AP3D1: variants seen among roughly 807,000 people sequenced by gnomAD.
AP3D1 encodes the protein adaptor related protein complex 3 subunit delta 1.
AP3D1 carries 51 observed loss-of-function variants against 147.6 expected under a neutral mutation model. The observed-to-expected ratio is 0.35, with a 90% confidence interval of 0.28 to 0.44. The LOEUF is 0.44. Ranked by LOEUF, AP3D1 falls within the 20% of genes least tolerant of loss-of-function variation. The probability of loss-of-function intolerance (pLI) is 1.00; values close to 1 mark genes in which losing one functional copy is unlikely to be tolerated. For missense variants in AP3D1, 1,421 were observed against 1,624.2 expected (o/e 0.87, Z 2.15); for synonymous variants, 760 against 663.0 (o/e 1.15, Z -2.25).
upstream of AP3D1, among the ~76,000 whole-genome samples, chr19:2,152,235 T>C (rs1203425412): frequency 6.8e-6 from 1 of 146,710 alleles, no homozygotes; most frequent in Admixed American, 6.7e-5. Flanking sequence ...ATCATTGAGA[T>C]TGTAAAAAAA....
chr19:2,132,540 T>G lies in AP3D1; in HGVS notation c.393A>C (p.Ala131=), dbSNP rs1449643950. 3 of 1,611,254 alleles carry G rather than the reference T, an allele frequency of 1.9e-6. No homozygotes were observed. The highest frequency in any genetic ancestry group is 2.5e-6 in the Non-Finnish European group (3 of 1,177,712). Residue 131 remains alanine (A), a synonymous_variant, in exon 5 of 32, where the codon GCA becomes GCC. Coordinates refer to ENST00000643116, the MANE Select transcript of AP3D1 (RefSeq NM_001261826.3). ...TGACGAAGCAGGACAGACCCGTCAG[T>G]GCAACACCTGTGTCGTACTGGCTGG... ...SSPSQYDTGV[A]LTGLSCFVTP...
At chr19:2,137,835 C>T in intron 2 of AP3D1, 28 bp from the exon 3 acceptor site, 1 of 1,609,172 alleles carries the variant, frequency 6.2e-7, no homozygotes, top group Non-Finnish European at 8.5e-7. Context: ...GGAAATTGCA[C>T]TCACAAGCCA....
rs2017966903 is a variant in AP3D1 at position 2,102,007 on chromosome 19, T to A, written c.*166A>T. The A allele has an allele frequency of 3.3e-6, 2 of 612,926 alleles. No homozygotes were observed. Among genetic ancestry groups the A allele is most frequent in the Non-Finnish European group, 5.7e-6 (2 of 348,530 alleles). 38.0% of individuals were successfully genotyped at this position (612,926 alleles called of 1,614,324 possible). On this transcript the variant is annotated 3_prime_UTR_variant, in exon 32 of 32. Transcript: ENST00000643116. ...ACAGTAAAAAAGGATGGTCAGATAATTCAACGCAACAAATGACCTCGGATG... is the reference window on the plus strand; with the variant it reads ...ACAGTAAAAAAGGATGGTCAGATAAATCAACGCAACAAATGACCTCGGATG...
chr19:2,163,507 G>GT (rs1491356859), intron 1 of AP3D1, among the ~76,000 whole-genome samples: 1 of 86,218 alleles, frequency 1.2e-5, no homozygotes, highest in Non-Finnish European at 2.5e-5. Flanking sequence ...TTTTTTTTTT[G>GT]TACCCAATAA....
chr19:2,111,188 A>T, intron 26 of AP3D1, 97 bp downstream of exon 26: 1 of 1,474,518 alleles, frequency 6.8e-7, no homozygotes, highest in Non-Finnish European at 9.4e-7. Context: ...GGGTATACCA[A>T]CATCCGGGAG....
intron 27 of AP3D1, 126 bp downstream of exon 27, chr19:2,110,581 A>G: frequency 9.6e-7 from 1 of 1,041,442 alleles, no homozygotes; most frequent in Non-Finnish European, 1.4e-6. Flanking sequence ...GGAGGTACTG[A>G]GGTGCAGCCT....
At chr19:2,117,438 G>A in intron 15 of AP3D1, 71 bp from the exon 16 acceptor site, 1 of 1,476,186 alleles carries the variant, frequency 6.8e-7, no homozygotes, top group Non-Finnish European at 9.0e-7. Flanking sequence ...GGGACACGGG[G>A]TGGCTCAGCC....
At chr19:2,108,981 G>C (rs2018188107) in intron 30 of AP3D1, 105 bp downstream of exon 30, 3 of 1,538,510 alleles carry the variant, frequency 1.9e-6, no homozygotes, top group Non-Finnish European at 2.6e-6. Context: ...ATCCCAAAGG[G>C]TGTGAGTTTG....
intron 8 of AP3D1, among the ~76,000 whole-genome samples, chr19:2,128,630 C>T (rs1188868699): frequency 5.8e-5 from 1 of 17,190 alleles, no homozygotes; most frequent in African/African-American, 1.7e-4. Context: ...GGCCCGCCCC[C>T]GCCGCTCCGA....
At chr19:2,123,734 A>G (rs568390443) in intron 10 of AP3D1, 96 bp downstream of exon 10, 1 of 1,433,138 alleles carries the variant, frequency 7.0e-7, no homozygotes, top group Admixed American at 2.0e-5. Flanking sequence ...TGGGGGGACC[A>G]GCACCTTGGT....
chr19:2,117,480 C>A, intron 15 of AP3D1, 113 bp from the exon 16 acceptor site: 1 of 1,183,216 alleles, frequency 8.5e-7, no homozygotes, highest in Non-Finnish European at 1.1e-6. Flanking sequence ...CCCCCTGGTA[C>A]AGCCACATAG....
chr19:2,103,255 C>G (rs895467864), intron 31 of AP3D1, among the ~76,000 whole-genome samples: 1 of 151,664 alleles, frequency 6.6e-6, no homozygotes, highest in Admixed American at 6.6e-5. Context: ...GGTGAGGGAG[C>G]GGCCCAAGGC....
In AP3D1 at chr19:2,132,482, T is replaced by C. The variant is rs1221420254; in HGVS notation, c.451A>G (p.Ile151Val). 7 of 1,606,822 alleles carry C rather than the reference T, an allele frequency of 4.4e-6. 1 individual carries two copies. Among genetic ancestry groups the C allele is most frequent in the South Asian group, 3.3e-5 (3 of 90,936 alleles). Residue 151 changes from isoleucine to valine, a missense_variant, in exon 5 of 32, where the codon ATC becomes GTC. Physicochemically the swap from Ile to Val is conservative, Grantham distance 29 (BLOSUM62 3). Transcript: ENST00000643116. ...GCTTACAAACTCACCAGTGTCATGATGTCATTTGCCAGGTCTCTGGCAAGG... is the reference window on the plus strand; with the variant it reads ...GCTTACAAACTCACCAGTGTCATGACGTCATTTGCCAGGTCTCTGGCAAGG... The part of the protein sequence containing the change: ...PDLARDLAND[I>V]MTLMSHTKPY...
intron 6 of AP3D1, among the ~76,000 whole-genome samples, chr19:2,130,140 G>A (rs2018896354): frequency 6.6e-6 from 1 of 152,208 alleles, no homozygotes; most frequent in African/African-American, 2.4e-5. Context: ...CTGGTCCTAA[G>A]AGGGGCTGGC....
At chr19:2,124,031 T>G (rs2018684783) in intron 9 of AP3D1, 152 bp from the exon 10 acceptor site, 1 of 918,606 alleles carries the variant, frequency 1.1e-6, no homozygotes, top group South Asian at 1.5e-5. Flanking sequence ...GCAGCCCAAC[T>G]GTGTTTGCAA....
chr19:2,125,648 G>A (rs1331313524), intron 9 of AP3D1, among the ~76,000 whole-genome samples: 6 of 151,968 alleles, frequency 3.9e-5, no homozygotes, highest in Non-Finnish European at 5.9e-5. Context: ...AAAAGTAGAT[G>A]GTAATTTTTT....
rs964997593 is a variant in AP3D1, at chr19:2,102,351, T to C, written c.3553-83A>G. The C allele has an allele frequency of 3.2e-6, 4 of 1,254,676 alleles. No homozygotes were observed. In the African/African-American group the frequency reaches 5.9e-5, roughly 18 times the overall value. The allele number at this position is 1,254,676 out of a possible 1,614,324, so 77.7% of individuals were successfully genotyped here. ...GCTCAAGTCTGTGATCCCAGCATTTTGGGAGGCCAAGGTGGGTGGATCACC... is the reference window on the plus strand; with the variant it reads ...GCTCAAGTCTGTGATCCCAGCATTTCGGGAGGCCAAGGTGGGTGGATCACC... On this transcript the variant is annotated intron_variant, in intron 31 of 31. Coordinates refer to ENST00000643116, the MANE Select transcript of AP3D1 (RefSeq NM_001261826.3).
At chr19:2,142,089 C>A (rs1194695939) in intron 1 of AP3D1, among the ~76,000 whole-genome samples, 1 of 150,264 alleles carries the variant, frequency 6.7e-6, no homozygotes, top group African/African-American at 2.5e-5. Context: ...GTGATCTCGG[C>A]TCACTGTAAC....
chr19:2,143,100 ATCG>A (rs1195497083), intron 1 of AP3D1, among the ~76,000 whole-genome samples: 1 of 151,292 alleles, frequency 6.6e-6, no homozygotes, highest in Non-Finnish European at 1.5e-5. Context: ...GTCTCACTCT[ATCG>A]TCCAAGTTGG....
Sources: allele counts gnomAD v4.1 joint callset (sites outside exome capture counted in the v4.1 genomes callset), GRCh38; gene constraint gnomAD v4.1.1; transcripts MANE v1.5; gene names NCBI Gene and HGNC (gene_info 2026-07-23, HGNC 2026-07-21).